Variants in CCDC15 observed in about 807,000 individuals in gnomAD.
CCDC15 encodes the protein coiled-coil domain-containing protein 15.
Under a neutral mutation model 114.5 loss-of-function variants are expected in CCDC15, and 105 were observed. The ratio of observed to expected loss-of-function variants is 0.92; its 90% CI spans 0.78 to 1.08. The LOEUF (loss-of-function observed/expected upper bound fraction) is 1.08, where lower values mean the gene tolerates loss of function less well. Ranked by LOEUF, CCDC15 falls within the 50% of genes least tolerant of loss-of-function variation. The pLI, the probability that CCDC15 is intolerant of heterozygous loss-of-function variation, is 0.00. For synonymous variants in CCDC15, 334 were observed against 377.8 expected (o/e 0.88, Z 1.34); for missense variants, 1,105 against 1,093.6 (o/e 1.01, Z -0.15).
At chr11:125,029,428 A>T (rs1460427920) in intron 13 of CCDC15, among the ~76,000 whole-genome samples, 1 of 152,220 alleles carries the variant, frequency 6.6e-6, no homozygotes, top group Non-Finnish European at 1.5e-5. Flanking sequence ...AAACGCACAA[A>T]TCCCCAACCA....
At chr11:125,040,315 G>A (rs1340490921) in intron 15 of CCDC15, among the ~76,000 whole-genome samples, 1 of 152,136 alleles carries the variant, frequency 6.6e-6, no homozygotes, top group Non-Finnish European at 1.5e-5. Context: ...GGAATTACAG[G>A]TGTGAGCCAC....
intron 11 of CCDC15, among the ~76,000 whole-genome samples, chr11:124,993,532 T>G (rs1565371476): frequency 1.3e-5 from 2 of 152,184 alleles, no homozygotes; most frequent in Non-Finnish European, 2.9e-5. Context: ...ATAACTTATG[T>G]TCAGTGTTTA....
intron 4 of CCDC15, among the ~76,000 whole-genome samples, chr11:124,972,390 C>T (rs188410345): frequency 1.6e-3 from 243 of 152,214 alleles, no homozygotes; most frequent in Non-Finnish European, 2.5e-3. Context: ...ATATATACCA[C>T]AGACATTCAC....
chr11:125,013,686 C>T (rs1217459915), intron 13 of CCDC15, among the ~76,000 whole-genome samples: 1 of 152,010 alleles, frequency 6.6e-6, no homozygotes. Flanking sequence ...AGGGAATGTT[C>T]AAAGAACAGA....
At chr11:124,986,700 T>TGTGTGTGTGTGTGCGCGCGCGC (rs878887902) in intron 6 of CCDC15, 42 bp from the exon 7 acceptor site, 8 of 1,352,954 alleles carry the variant, frequency 5.9e-6, no homozygotes, top group African/African-American at 1.6e-5. Flanking sequence ...TTTGTGTGTG[T>TGTGTGTGTGTGTGCGCGCGCGC]GCGCGCGCGC....
intron 11 of CCDC15, among the ~76,000 whole-genome samples, chr11:124,997,617 T>A (rs191611584): frequency 6.6e-6 from 1 of 152,114 alleles, no homozygotes; most frequent in African/African-American, 2.4e-5. Flanking sequence ...TTCGTTGTTA[T>A]AAGCAAAATA....
At chr11:125,007,539 G>T (rs1210994564) in intron 13 of CCDC15, among the ~76,000 whole-genome samples, 1 of 152,130 alleles carries the variant, frequency 6.6e-6, no homozygotes, top group Non-Finnish European at 1.5e-5. Context: ...CAGTAAACAT[G>T]GGGATACAGG....
In CCDC15 at chr11:124,975,313, A is replaced by G. The variant is rs1296554240; in HGVS notation, c.630+104A>G. On this transcript the variant is annotated intron_variant, in intron 5 of 15. Coordinates refer to ENST00000344762, the MANE Select transcript of CCDC15 (RefSeq NM_025004.3). Reference sequence around the variant, plus strand: ...ATTTAGAACTGTAAAATAATTGGAAATAGCCTTAAATACCCAATAGTAGGG... The same window carrying G: ...ATTTAGAACTGTAAAATAATTGGAAGTAGCCTTAAATACCCAATAGTAGGG... The G allele has an allele frequency of 1.0e-5, 6 of 602,578 alleles. No homozygotes were observed. In the East Asian group the frequency reaches 2.1e-4, roughly 21 times the overall value. The allele number at this position is 602,578 out of a possible 1,614,324, so 37.3% of individuals were successfully genotyped here.
At chr11:124,985,304 T>G (rs979483846) in intron 6 of CCDC15, among the ~76,000 whole-genome samples, 2 of 152,242 alleles carry the variant, frequency 1.3e-5, no homozygotes, top group African/African-American at 4.8e-5. Flanking sequence ...TTATGAACGA[T>G]TGTGTATGAG....
chr11:124,997,668 A>G (rs969124729), intron 11 of CCDC15, among the ~76,000 whole-genome samples: 3 of 152,190 alleles, frequency 2.0e-5, no homozygotes, highest in Non-Finnish European at 4.4e-5. Context: ...CCAACTGGGC[A>G]TGGTGGCTCA....
chr11:124,970,222 CCT>C (rs1307169771), intron 4 of CCDC15, among the ~76,000 whole-genome samples: 1 of 152,116 alleles, frequency 6.6e-6, no homozygotes, highest in African/African-American at 2.4e-5. Context: ...ATGTTCAAGT[CCT>C]CTCTCTAACT....
rs1267606063 is a variant in CCDC15 at position 124,954,337 on chromosome 11, T to C, written c.-43T>C. 5.3e-6 allele frequency: 1 copy of C among 189,010 alleles called. No homozygotes were observed. Among genetic ancestry groups the C allele is most frequent in the African/African-American group, 2.4e-5 (1 of 42,352 alleles). The allele number at this position is 189,010 out of a possible 1,614,324, so 11.7% of individuals were successfully genotyped here. A position where few individuals can be genotyped will look rare whatever the true frequency, so the allele number is the denominator to read the frequency against. On this transcript the variant is annotated 5_prime_UTR_variant, in exon 1 of 16. Transcript: ENST00000344762. ...GTTCAGCGCGTCTTCCCATAACCTA[T>C]ACCGATTATTGGGACTCTCGGCTGC...
chr11:124,985,510 T>C (rs898776875), intron 6 of CCDC15, among the ~76,000 whole-genome samples: 1 of 152,186 alleles, frequency 6.6e-6, no homozygotes, highest in African/African-American at 2.4e-5. Flanking sequence ...TCTTCTGTTA[T>C]AGCTATCCTA....
rs768481185 is a variant in CCDC15 at position 124,991,526 on chromosome 11, G to C, written c.1974G>C (p.Leu658=). The change falls in exon 9 of 16, where the codon CTG becomes CTC. Residue 658 remains leucine (L), a synonymous_variant. Coordinates refer to ENST00000344762, the MANE Select transcript of CCDC15 (RefSeq NM_025004.3). ...AGAAAGGGAGAGAAGACTTTTCTCT[G>C]GCAGACTATCAGTGTTTGCCTCCCA... ...TDEKGREDFS[L]ADYQCLPPKS... 1.9e-6 allele frequency: 3 copies of C among 1,609,654 alleles called. No individual in the cohort carries two copies. Among genetic ancestry groups the C allele is most frequent in the Non-Finnish European group, 2.5e-6 (3 of 1,176,826 alleles).
chr11:125,008,136 A>G (rs924336152), intron 13 of CCDC15, among the ~76,000 whole-genome samples: 1 of 152,150 alleles, frequency 6.6e-6, no homozygotes, highest in Non-Finnish European at 1.5e-5. Context: ...TCTTGACAAT[A>G]TTGAGTCTTT....
chr11:125,031,947 G>C (rs765511472), intron 13 of CCDC15, among the ~76,000 whole-genome samples: 7 of 152,184 alleles, frequency 4.6e-5, no homozygotes, highest in Non-Finnish European at 8.8e-5. Context: ...TCTCTTTCGT[G>C]GTTGTAGGAG....
chr11:125,000,392 A>T (rs2135509191), intron 11 of CCDC15, among the ~76,000 whole-genome samples: 1 of 152,224 alleles, frequency 6.6e-6, no homozygotes, highest in African/African-American at 2.4e-5. Context: ...GGATTCTGAG[A>T]TATATGCCAG....
Position 124,954,781 on chromosome 11 carries a change from C to A in CCDC15, c.49C>A (p.Pro17Thr). ...GAAACCTCGAAATACCTCAAGGTTG[C>A]CCCTGGCTTTAAACCCCCTGAAGAG... is the stretch of plus-strand genomic sequence containing the variant. The part of the protein sequence containing the change: ...RKKPRNTSRL[P>T]LALNPLKSKD... Residue 17 changes from proline (P) to threonine (T), a missense_variant, in exon 2 of 16, where the codon CCC (proline) becomes ACC (threonine). Transcript: ENST00000344762. 1 of 1,613,954 alleles carries A rather than the reference C, an allele frequency of 6.2e-7. No homozygotes were observed. Among genetic ancestry groups the A allele is most frequent in the South Asian group, 1.1e-5 (1 of 91,074 alleles).
chr11:124,954,893 C>A lies in CCDC15; in HGVS notation c.161C>A (p.Ser54Ter), dbSNP rs1220818985. The A allele has an allele frequency of 6.2e-7, 1 of 1,613,792 alleles. No individual in the cohort carries two copies. Among genetic ancestry groups the A allele is most frequent in the African/African-American group, 1.3e-5 (1 of 74,926 alleles). Residue 54 changes from serine to a stop codon, truncating the protein, a stop_gained, in exon 2 of 16, where the codon TCG (serine) becomes TAG (stop). Transcript: ENST00000344762. LOFTEE classifies it high-confidence loss of function. Reference protein sequence around the residue: ...AWVEPASPGSSEIPAYTSAYL... With the variant: ...AWVEPASPGS Reference sequence around the variant, plus strand: ...GTGGAACCTGCCTCACCAGGTAGTTCGGAAATCCCAGCATATGTGAGTGTC... The same window carrying A: ...GTGGAACCTGCCTCACCAGGTAGTTAGGAAATCCCAGCATATGTGAGTGTC...
Sources: allele counts gnomAD v4.1 joint callset (sites outside exome capture counted in the v4.1 genomes callset), GRCh38; gene constraint gnomAD v4.1.1; transcripts MANE v1.5; gene names NCBI Gene and HGNC (gene_info 2026-07-23, HGNC 2026-07-21).